FN1: variants seen among roughly 807,000 people sequenced by gnomAD.
The protein encoded by FN1 is fibronectin.
A neutral mutation model predicts 297.3 loss-of-function variants in FN1; 106 were observed. The ratio of observed to expected loss-of-function variants is 0.36; its 90% CI spans 0.30 to 0.42. The LOEUF is 0.42. FN1 is among the 10% of genes least tolerant of loss of function. The probability of loss-of-function intolerance (pLI) is 1.00; values close to 1 mark genes in which losing one functional copy is unlikely to be tolerated. For missense variants in FN1, 2,690 were observed against 3,124.9 expected, an observed-to-expected ratio of 0.86 and a Z score of 3.32; for synonymous variants, 1,149 against 1,152.6, an observed-to-expected ratio of 1.00 and a Z score of 0.06.
chr2:215,432,243 C>G (rs1251463986), intron 3 of FN1, among the ~76,000 whole-genome samples: 2 of 152,098 alleles, frequency 1.3e-5, no homozygotes, highest in Non-Finnish European at 2.9e-5. Flanking sequence ...AAATTGGGTC[C>G]TAAGCAGAAA....
At chr2:215,397,593 T>C (rs2060458856) in intron 22 of FN1, 87 bp downstream of exon 22, 3 of 1,113,346 alleles carry the variant, frequency 2.7e-6, no homozygotes, top group African/African-American at 1.5e-5. Flanking sequence ...GCCATTCTCA[T>C]AAGTAAAAAG....
At chr2:215,391,971 C>T in intron 25 of FN1, 157 bp from the exon 26 acceptor site, 1 of 691,068 alleles carries the variant, frequency 1.4e-6, no homozygotes, top group South Asian at 1.7e-5. Context: ...TTATAGTGTA[C>T]TACTGTTAAA....
intron 27 of FN1, 25 bp from the exon 28 acceptor site, chr2:215,386,983 A>C (rs935772335): frequency 6.3e-7 from 1 of 1,594,630 alleles, no homozygotes; most frequent in South Asian, 1.1e-5. Flanking sequence ...CGGGGGAGGA[A>C]GAGAAAAAAA....
chr2:215,377,559 A>AG (rs1250722714), intron 35 of FN1, among the ~76,000 whole-genome samples: 1 of 152,076 alleles, frequency 6.6e-6, no homozygotes, highest in Non-Finnish European at 1.5e-5. Flanking sequence ...AAGCTTCCCA[A>AG]GGCCTCCCTA....
At chr2:215,365,314 G>A (rs570362697) in intron 43 of FN1, among the ~76,000 whole-genome samples, 191 bp downstream of exon 43, 29 of 152,280 alleles carry the variant, frequency 1.9e-4, no homozygotes, top group African/African-American at 6.3e-4. Context: ...AAAGTGTCCT[G>A]TAATAACATT....
At position 215,425,237 on chromosome 2, in the gene FN1, G is replaced by A; in HGVS notation, c.893C>T (p.Pro298Leu). 2 of 1,614,144 alleles carry A rather than the reference G, an allele frequency of 1.2e-6. No individual in the cohort carries two copies. The highest frequency in any genetic ancestry group is 1.7e-6 in the Non-Finnish European group (2 of 1,180,016). Reference sequence around the variant, plus strand: ...GCCATAGGGAGGAGGCTGGGGGTGAGGCTGCGGTTGGTAAACAGCTGCACG... The same window carrying A: ...GCCATAGGGAGGAGGCTGGGGGTGAAGCTGCGGTTGGTAAACAGCTGCACG... ...DVRAAVYQPQPHPQPPPYGHC... is the reference protein window; with the variant it reads ...DVRAAVYQPQLHPQPPPYGHC... Residue 298 changes from proline (P) to leucine (L), a missense_variant, in exon 7 of 46, where the codon CCT becomes CTT. Coordinates refer to ENST00000354785, the MANE Select transcript of FN1 (RefSeq NM_212482.4).
chr2:215,401,257 AG>A (rs1559476159), intron 20 of FN1, among the ~76,000 whole-genome samples: 4 of 31,566 alleles, frequency 1.3e-4, no homozygotes, highest in Admixed American at 3.7e-4. Flanking sequence ...AAAGGAAGAA[AG>A]AAAGGAAGGA....
chr2:215,412,407 A>G (rs58298905), intron 13 of FN1, among the ~76,000 whole-genome samples: 41,555 of 151,834 alleles, frequency 0.27, 7,185 homozygotes, highest in East Asian at 0.92. Flanking sequence ...ATATTTACAG[A>G]GTCTTTAATA....
chr2:215,404,115 T>G (rs2061460617), intron 20 of FN1, among the ~76,000 whole-genome samples: 1 of 152,218 alleles, frequency 6.6e-6, no homozygotes, highest in Non-Finnish European at 1.5e-5. Context: ...ACTGCTTCCT[T>G]CATCAAGAAA....
Position 215,435,835 on chromosome 2 carries a change from G to C in FN1, c.-33C>G, listed in dbSNP as rs1314000182. 6.6e-7 allele frequency: 1 copy of C among 1,518,408 alleles called. No homozygotes were observed. The highest frequency in any genetic ancestry group is 1.4e-5 in the African/African-American group (1 of 72,744). The allele number at this position is 1,518,408 out of a possible 1,614,324, so 94.1% of individuals were successfully genotyped here. Reference sequence around the variant, plus strand: ...CGGTGGGGGAGAGACGCCCGCACCGGGAGGCAAGTTGCCACCAAGTTTGCT... The same window carrying C: ...CGGTGGGGGAGAGACGCCCGCACCGCGAGGCAAGTTGCCACCAAGTTTGCT... On this transcript the variant is annotated 5_prime_UTR_variant, in exon 1 of 46. Transcript: ENST00000354785.
rs933501731 is a variant in FN1, at chr2:215,433,253, A to G, written c.415+71T>C. ...GAATATCCAGTCATGGATAACAGAAAATGACAGTGATGGTAACAGAGAAAT... is the reference window on the plus strand; with the variant it reads ...GAATATCCAGTCATGGATAACAGAAGATGACAGTGATGGTAACAGAGAAAT... On this transcript the variant is annotated intron_variant, in intron 3 of 45. Coordinates refer to ENST00000354785, the MANE Select transcript of FN1 (RefSeq NM_212482.4). The G allele has an allele frequency of 7.4e-5, 117 of 1,581,458 alleles. 1 individual carries two copies. The highest frequency in any genetic ancestry group is 9.7e-5 in the Non-Finnish European group (112 of 1,150,846).
chr2:215,429,128 TAAG>T (rs553663608), intron 5 of FN1, among the ~76,000 whole-genome samples: 450 of 152,346 alleles, frequency 3.0e-3, no homozygotes, highest in South Asian at 0.014. Context: ...AAAGAAGCTA[TAAG>T]AAGGTGGTAG....
At chr2:215,409,872 T>G in intron 14 of FN1, 62 bp downstream of exon 14, 2 of 1,603,982 alleles carry the variant, frequency 1.2e-6, no homozygotes, top group Non-Finnish European at 1.7e-6. Context: ...AAGCATTGCC[T>G]CAGGAGAGCC....
In FN1 at chr2:215,431,858, T is replaced by G; in HGVS notation, c.522A>C (p.Lys174Asn). The G allele has an allele frequency of 6.2e-7, 1 of 1,614,090 alleles. No individual in the cohort carries two copies. Among genetic ancestry groups the G allele is most frequent in the South Asian group, 1.1e-5 (1 of 91,086 alleles). Residue 174 changes from lysine to asparagine, a missense_variant, in exon 4 of 46, where the codon AAA becomes AAC. Lys to Asn is a moderately conservative substitution (Grantham distance 94). Transcript: ENST00000354785. Reference sequence around the variant, plus strand: ...CTATGGGCTTGCAGGTCCATTCTCCTTTTCCATTACCAAGACACACACACT... The same window carrying G: ...CTATGGGCTTGCAGGTCCATTCTCCGTTTCCATTACCAAGACACACACACT... ...MLECVCLGNGKGEWTCKPIAE... is the reference protein window; with the variant it reads ...MLECVCLGNGNGEWTCKPIAE...
intron 38 of FN1, among the ~76,000 whole-genome samples, chr2:215,374,542 T>C (rs2056898121): frequency 6.6e-6 from 1 of 152,214 alleles, no homozygotes; most frequent in African/African-American, 2.4e-5. Flanking sequence ...CCTGCTGCCA[T>C]GTAAGACATG....
Position 215,406,371 on chromosome 2 carries a change from C to A in FN1, c.2853G>T (p.Gly951=). 1 of 1,614,210 alleles carries A rather than the reference C, an allele frequency of 6.2e-7. No homozygotes were observed. The change falls in exon 19 of 46, where the codon GGG becomes GGT. Residue 951 remains glycine, a synonymous_variant. Coordinates refer to ENST00000354785, the MANE Select transcript of FN1 (RefSeq NM_212482.4). The part of the protein sequence containing the change: ...VIPVNLPGEH[G]QRLPISRNTF... ...TGTTCCTGCTGATGGGCAGCCTCTG[C>A]CCGTGCTCGCCAGGCAGGTTGACGG... is the stretch of plus-strand genomic sequence containing the variant.
chr2:215,383,310 G>GGT lies in FN1; in HGVS notation c.5050+17_5050+18insAC. 6.2e-7 allele frequency: 1 copy of GGT among 1,613,794 alleles called. No individual in the cohort carries two copies. The highest frequency in any genetic ancestry group is 8.5e-7 in the Non-Finnish European group (1 of 1,179,708). On this transcript the variant is annotated intron_variant, in intron 31 of 45. Transcript: ENST00000354785. Reference sequence around the variant, plus strand: ...GGAGTGAGCCACCGCACCTGGCCGAGATGCAGATGATTCTTACCTGGACCT... The same window carrying GGT: ...GGAGTGAGCCACCGCACCTGGCCGAGGTATGCAGATGATTCTTACCTGGACCT...
chr2:215,427,606 AG>A (rs1360058458), intron 6 of FN1, among the ~76,000 whole-genome samples: 30 of 152,192 alleles, frequency 2.0e-4, no homozygotes, highest in Non-Finnish European at 4.3e-4. Context: ...CAATACATGA[AG>A]GAAATAATTG....
At chr2:215,430,901 T>A in intron 4 of FN1, 49 bp from the exon 5 acceptor site, 1 of 1,600,894 alleles carries the variant, frequency 6.2e-7, no homozygotes, top group Non-Finnish European at 8.5e-7. Flanking sequence ...TATTTTGAAT[T>A]GTGCAAGCTC....
Sources: gnomAD v4.1 joint callset for allele counts (sites outside exome capture counted in the v4.1 genomes callset) on GRCh38, gnomAD v4.1.1 for gene constraint, MANE v1.5 for transcripts, NCBI Gene and HGNC (gene_info 2026-07-23, HGNC 2026-07-21) for gene names.